POGLUT3: variants seen among roughly 807,000 people sequenced by gnomAD.
POGLUT3 encodes protein O-glucosyltransferase 3, also known as KDEL (Lys-Asp-Glu-Leu) containing 2.
In POGLUT3, 48 loss-of-function variants were observed where a neutral mutation model predicts 54.3. The observed-to-expected ratio is 0.88, with a 90% CI of 0.70 to 1.12. POGLUT3 has a LOEUF of 1.12. Ranked by LOEUF, POGLUT3 falls within the 50% of genes most tolerant of loss-of-function variation. The pLI is 0.00. For missense variants in POGLUT3, 629 were observed against 618.7 expected (o/e 1.02, Z -0.18); for synonymous variants, 218 against 237.4 (o/e 0.92, Z 0.75).
intron 1 of POGLUT3, among the ~76,000 whole-genome samples, chr11:108,494,372 G>T (rs1350933447): frequency 6.6e-6 from 1 of 152,196 alleles, no homozygotes; most frequent in African/African-American, 2.4e-5. Context: ...GTACCATGAG[G>T]CTAAATGGAA....
chr11:108,491,624 G>C (rs1591645360), intron 1 of POGLUT3: 1 of 175,990 alleles, frequency 5.7e-6, no homozygotes, highest in East Asian at 1.5e-4. Flanking sequence ...CTGACTTCAA[G>C]CGATCCCCAC....
In POGLUT3 at chr11:108,486,408, C is replaced by T. The variant is rs781054972; in HGVS notation, c.433G>A (p.Glu145Lys). 7 of 1,613,988 alleles carry T rather than the reference C, an allele frequency of 4.3e-6. No homozygotes were observed. Among genetic ancestry groups the T allele is most frequent in the South Asian group, 3.3e-5 (3 of 91,072 alleles). ...GTCTTCTGCCAGGCCTGAGGATCTT[C>T]CGGACACTCACAGTACTCATGGTAC... Reference protein sequence around the residue: ...PVYHEYCECPEDPQAWQKTLS... With the variant: ...PVYHEYCECPKDPQAWQKTLS... Residue 145 changes from glutamate (E) to lysine (K), a missense_variant, in exon 3 of 8, where the codon GAA (glutamate) becomes AAA (lysine). Glu to Lys is a moderately conservative substitution (Grantham distance 56). Coordinates refer to ENST00000323468, the MANE Select transcript of POGLUT3 (RefSeq NM_153705.5).
Position 108,474,695 on chromosome 11 carries a change from C to T in POGLUT3, c.*132G>A. On this transcript the variant is annotated 3_prime_UTR_variant, in exon 8 of 8. Transcript: ENST00000323468. Reference sequence around the variant, plus strand: ...GGATACTCAACCAGTACTGCTATATCCATCTACATATATAAAGCCACCGGG... The same window carrying T: ...GGATACTCAACCAGTACTGCTATATTCATCTACATATATAAAGCCACCGGG... 1 of 903,286 alleles carries T rather than the reference C, an allele frequency of 1.1e-6. No individual in the cohort carries two copies. The highest frequency in any genetic ancestry group is 1.7e-6 in the Non-Finnish European group (1 of 586,614). 56.0% of individuals were successfully genotyped at this position (903,286 alleles called of 1,614,324 possible).
chr11:108,496,438 C>T (rs977015286), intron 1 of POGLUT3, among the ~76,000 whole-genome samples: 4 of 151,978 alleles, frequency 2.6e-5, no homozygotes, highest in Admixed American at 6.6e-5. Flanking sequence ...GTAACATAAA[C>T]GGGTTTGTTA....
In POGLUT3 at chr11:108,491,142, G is replaced by C. The variant is rs377503322; in HGVS notation, c.228C>G (p.Val76=). 283 of 1,612,872 alleles carry C rather than the reference G, an allele frequency of 1.8e-4. No individual in the cohort carries two copies. The highest frequency in any genetic ancestry group is 3.3e-4 in the Middle Eastern group (2 of 6,084). ...PAGETPFKVV[V]KSLSPKELVR... ...CCAACTCTTTAGGTGAAAGAGATTT[G>C]ACTACGACTTTGAATGGTGTTTCAC... The change falls in exon 2 of 8, where the codon GTC becomes GTG. Residue 76 remains valine, a synonymous_variant. Transcript: ENST00000323468.
At position 108,481,289 on chromosome 11, in the gene POGLUT3, T is replaced by C. The variant is rs988925701; in HGVS notation, c.989A>G (p.Lys330Arg). The change falls in exon 5 of 8, where the codon AAA (lysine) becomes AGA (arginine). Residue 330 changes from lysine (K) to arginine (R), a missense_variant. Coordinates refer to ENST00000323468, the MANE Select transcript of POGLUT3 (RefSeq NM_153705.5). The part of the protein sequence containing the change: ...EERLQLVQLS[K>R]ENPQLLDAGI... ...TGCATCTAGTAGCTGAGGATTTTCT[T>C]TGGACAGCTGTACCAACTGGAGCCT... is the stretch of plus-strand genomic sequence containing the variant. The C allele has an allele frequency of 6.2e-7, 1 of 1,613,434 alleles. No homozygotes were observed. Among genetic ancestry groups the C allele is most frequent in the Middle Eastern group, 1.7e-4 (1 of 6,060 alleles).
At chr11:108,490,323 G>C (rs530829678) in intron 2 of POGLUT3, among the ~76,000 whole-genome samples, 1 of 152,084 alleles carries the variant, frequency 6.6e-6, no homozygotes, top group Admixed American at 6.6e-5. Flanking sequence ...TCAGCCTCCC[G>C]AGTAGCTGGG....
At chr11:108,489,421 C>A (rs2093609166) in intron 2 of POGLUT3, among the ~76,000 whole-genome samples, 1 of 152,016 alleles carries the variant, frequency 6.6e-6, no homozygotes, top group Non-Finnish European at 1.5e-5. Flanking sequence ...GAAACTGCAC[C>A]AAGGCACATA....
At position 108,493,801 on chromosome 11, in the gene POGLUT3, C is replaced by T. The variant is rs1591646084; in HGVS notation, c.203-2634G>A. On this transcript the variant is annotated intron_variant, in intron 1 of 7. Coordinates refer to ENST00000323468, the MANE Select transcript of POGLUT3 (RefSeq NM_153705.5). ...CCTGGGCAACAAAGCTAGACTCTGT[C>T]TCAAAAAAAAAAAAAAAAAAAAAGA... 8.2e-5 allele frequency among the ~76,000 whole-genome samples: 8 copies of T among 97,430 alleles called. No individual in the cohort carries two copies. The South Asian group carries it at 2.1e-3, about 25-fold the overall frequency. 63.9% of individuals were successfully genotyped at this position (97,430 alleles called of 152,430 possible). A position where few individuals can be genotyped will look rare whatever the true frequency, so the allele number is the denominator to read the frequency against.
chr11:108,498,065 C>T, intron 1 of POGLUT3, 100 bp downstream of exon 1: 1 of 1,073,382 alleles, frequency 9.3e-7, no homozygotes, highest in Non-Finnish European at 1.3e-6. Flanking sequence ...GCGACACACG[C>T]CGGGGAGGGA....
intron 2 of POGLUT3, among the ~76,000 whole-genome samples, chr11:108,487,612 G>A (rs554685440): frequency 2.6e-5 from 4 of 151,906 alleles, no homozygotes; most frequent in Admixed American, 1.3e-4. Flanking sequence ...TGGTGGCAGG[G>A]GGACAGAGTC....
Position 108,486,409 on chromosome 11 carries a change from C to A in POGLUT3, c.432G>T (p.Pro144=), listed in dbSNP as rs375139448. Reference sequence around the variant, plus strand: ...TCTTCTGCCAGGCCTGAGGATCTTCCGGACACTCACAGTACTCATGGTACA... The same window carrying A: ...TCTTCTGCCAGGCCTGAGGATCTTCAGGACACTCACAGTACTCATGGTACA... ...GPVYHEYCEC[P]EDPQAWQKTL... Residue 144 remains proline, a synonymous_variant, in exon 3 of 8, where the codon CCG becomes CCT. Transcript: ENST00000323468. 5.6e-6 allele frequency: 9 copies of A among 1,613,966 alleles called. No homozygotes were observed. Among genetic ancestry groups the A allele is most frequent in the Non-Finnish European group, 6.8e-6 (8 of 1,179,984 alleles).
chr11:108,482,507 A>G (rs1321733577), intron 3 of POGLUT3, among the ~76,000 whole-genome samples: 2 of 152,096 alleles, frequency 1.3e-5, no homozygotes, highest in African/African-American at 2.4e-5. Context: ...TAATCCCAGC[A>G]CTTTGGGAGG....
intron 6 of POGLUT3, 137 bp downstream of exon 6, chr11:108,479,164 T>C (rs1284602179): frequency 1.6e-6 from 1 of 626,556 alleles, no homozygotes; most frequent in African/African-American, 1.9e-5. Context: ...CTTTAGATAT[T>C]TCAAGGGAAC....
chr11:108,479,414 T>A lies in POGLUT3; in HGVS notation c.1180A>T (p.Lys394Ter), dbSNP rs1230073648. Residue 394 changes from lysine to a stop codon, truncating the protein, a stop_gained, in exon 6 of 8, where the codon AAG becomes TAG. Coordinates refer to ENST00000323468, the MANE Select transcript of POGLUT3 (RefSeq NM_153705.5). LOFTEE classifies it high-confidence loss of function. ...YLMLGDSLVLKQDSPYYEHFY... is the reference protein window; with the variant it reads ...YLMLGDSLVL Reference sequence around the variant, plus strand: ...TGTTCATAATATGGCGAGTCCTGCTTTAAAACCAGACTGTCGCCCAGCATG... The same window carrying A: ...TGTTCATAATATGGCGAGTCCTGCTATAAAACCAGACTGTCGCCCAGCATG... The A allele has an allele frequency of 6.2e-7, 1 of 1,612,920 alleles. No individual in the cohort carries two copies. Among genetic ancestry groups the A allele is most frequent in the South Asian group, 1.1e-5 (1 of 90,824 alleles).
At chr11:108,481,608 G>A (rs3901851) in intron 4 of POGLUT3, among the ~76,000 whole-genome samples, 94,367 of 151,976 alleles carry the variant, frequency 0.62, 29,546 homozygotes, top group Middle Eastern at 0.76. Flanking sequence ...GCTGTATTAT[G>A]TAAAAGAATG....
intron 5 of POGLUT3, 70 bp downstream of exon 5, chr11:108,481,110 C>T (rs1240370750): frequency 1.6e-6 from 2 of 1,244,148 alleles, no homozygotes; most frequent in African/African-American, 1.5e-5. Flanking sequence ...TGCTGAAGCC[C>T]ACCTATTTTG....
Position 108,498,229 on chromosome 11 carries a change from C to A in POGLUT3, c.138G>T (p.Pro46=). The A allele has an allele frequency of 1.3e-6, 2 of 1,514,694 alleles. No individual in the cohort carries two copies. The highest frequency in any genetic ancestry group is 1.2e-5 in the South Asian group (1 of 80,300). The allele number at this position is 1,514,694 out of a possible 1,614,324, so 93.8% of individuals were successfully genotyped here. ...CCGCCTGCAGGTAGAAATAGCGGAC[C>A]GGCAGGACGACGGCCGCCTGCAGCC... ...GPGLQAAVVL[P]VRYFYLQAVN... is the part of the protein sequence containing the mutation. Residue 46 remains proline, a synonymous_variant, in exon 1 of 8, where the codon CCG becomes CCT. Coordinates refer to ENST00000323468, the MANE Select transcript of POGLUT3 (RefSeq NM_153705.5).
In POGLUT3 at chr11:108,498,192, C is replaced by A. The variant is rs1395934358; in HGVS notation, c.175G>T (p.Gly59Cys). Residue 59 changes from glycine (G) to cysteine (C), a missense_variant, in exon 1 of 8, where the codon GGC becomes TGC. Coordinates refer to ENST00000323468, the MANE Select transcript of POGLUT3 (RefSeq NM_153705.5). ...GCGGGAGAGCGAGTGAGGTTCTGGC[C>A]CTCCGAGTTGACCGCCTGCAGGTAG... The part of the protein sequence containing the change: ...YFYLQAVNSE[G>C]QNLTRSPAGE... 1 of 1,520,790 alleles carries A rather than the reference C, an allele frequency of 6.6e-7. No individual in the cohort carries two copies. Among genetic ancestry groups the A allele is most frequent in the South Asian group, 1.2e-5 (1 of 80,934 alleles). The allele number at this position is 1,520,790 out of a possible 1,614,324, so 94.2% of individuals were successfully genotyped here. A position where few individuals can be genotyped will look rare whatever the true frequency, so the allele number is the denominator to read the frequency against.
Sources: gnomAD v4.1 joint callset for allele counts (sites outside exome capture counted in the v4.1 genomes callset) on GRCh38, gnomAD v4.1.1 for gene constraint, MANE v1.5 for transcripts, NCBI Gene and HGNC (gene_info 2026-07-23, HGNC 2026-07-21) for gene names.